The following DENND4A variants were observed in gnomAD, a reference collection of about 807,000 sequenced individuals.
DENND4A encodes C-myc promoter-binding protein.
DENND4A carries 70 observed loss-of-function variants against 199.3 expected under a neutral mutation model. That is an observed-to-expected ratio of 0.35 (90% confidence interval 0.29 to 0.43). DENND4A has a LOEUF of 0.43. DENND4A is among the 20% of genes least tolerant of loss of function. The probability of loss-of-function intolerance (pLI) is 1.00; values close to 1 mark genes in which losing one functional copy is unlikely to be tolerated. For missense variants in DENND4A, 1,723 were observed against 2,255.8 expected, an observed-to-expected ratio of 0.76 and a Z score of 4.78; for synonymous variants, 686 against 766.9, an observed-to-expected ratio of 0.89 and a Z score of 1.74.
intron 12 of DENND4A, among the ~76,000 whole-genome samples, chr15:65,722,444 G>T (rs1393149993): frequency 6.6e-6 from 1 of 151,894 alleles, no homozygotes; most frequent in Non-Finnish European, 1.5e-5. Flanking sequence ...TATAACCTGG[G>T]TGACAAAGCA....
intron 23 of DENND4A, among the ~76,000 whole-genome samples, chr15:65,686,157 C>T (rs1486684816): frequency 6.6e-6 from 1 of 152,216 alleles, no homozygotes; most frequent in East Asian, 1.9e-4. Flanking sequence ...ATTCCATGAA[C>T]ATGGCATGTC....
At chr15:65,672,980 C>A (rs1217644877) in intron 24 of DENND4A, among the ~76,000 whole-genome samples, 1 of 151,814 alleles carries the variant, frequency 6.6e-6, no homozygotes, top group Admixed American at 6.6e-5. Flanking sequence ...CCTGCCTCAG[C>A]CTCCCGAGTA....
chr15:65,739,474 T>A (rs2076196855), intron 5 of DENND4A, among the ~76,000 whole-genome samples: 1 of 152,192 alleles, frequency 6.6e-6, no homozygotes, highest in South Asian at 2.1e-4. Context: ...AATGTTTACA[T>A]TAGGAAAACG....
intron 32 of DENND4A, among the ~76,000 whole-genome samples, chr15:65,662,576 A>T (rs996334270): frequency 2.0e-5 from 3 of 152,194 alleles, no homozygotes; most frequent in Admixed American, 2.0e-4. Flanking sequence ...TCCCCAGAAG[A>T]TAGTCCACAT....
rs771078561 is a variant in DENND4A at position 65,701,615 on chromosome 15, G to A, written c.2559+147C>T. 802 of 745,988 alleles carry A rather than the reference G, an allele frequency of 1.1e-3. 3 individuals are homozygous for A. The highest frequency in any genetic ancestry group is 8.5e-3 in the Middle Eastern group (22 of 2,600). The allele number at this position is 745,988 out of a possible 1,614,324, so 46.2% of individuals were successfully genotyped here. ...TCAAAGTAGATTGTATAACATAAAAGAGAACTAAAGTCTTCCTTGATTGAC... is the reference window on the plus strand; with the variant it reads ...TCAAAGTAGATTGTATAACATAAAAAAGAACTAAAGTCTTCCTTGATTGAC... On this transcript the variant is annotated intron_variant, in intron 18 of 32. Coordinates refer to ENST00000443035, the MANE Select transcript of DENND4A (RefSeq NM_001320835.1).
chr15:65,739,022 G>T, intron 5 of DENND4A, 147 bp from the exon 6 acceptor site: 1 of 558,318 alleles, frequency 1.8e-6, no homozygotes, highest in Non-Finnish European at 2.9e-6. Context: ...GAATACTTTG[G>T]TAGGATTCAT....
chr15:65,691,457 C>T lies in DENND4A; in HGVS notation c.3137G>A (p.Arg1046Gln), dbSNP rs746641939. Residue 1046 changes from arginine (R) to glutamine (Q), a missense_variant, in exon 23 of 33, where the codon CGA becomes CAA. Arg to Gln is a conservative substitution (Grantham distance 43). Transcript: ENST00000443035. The stretch of plus-strand genomic sequence containing the variant: ...CCTGAAGCATCTACTTTGAATGTTT[C>T]GTGTTTCATTTGTATCTTCAAGAGA... Reference protein sequence around the residue: ...ISSLEDTNETRNIQSRCFRKR... With the variant: ...ISSLEDTNETQNIQSRCFRKR... The T allele has an allele frequency of 7.4e-6, 12 of 1,612,388 alleles. No individual in the cohort carries two copies. In the East Asian group the frequency reaches 8.9e-5, roughly 12 times the overall value.
Position 65,698,881 on chromosome 15 carries a change from G to C in DENND4A, c.2834-1498C>G, listed in dbSNP as rs564207117. 3.3e-5 allele frequency among the ~76,000 whole-genome samples: 5 copies of C among 151,952 alleles called. No homozygotes were observed. The East Asian group carries it at 9.7e-4, about 29-fold the overall frequency. ...GCCTCCCAAGTAGCTGGGATTACAG[G>C]AATGTGCCACCATGCCTAGCTAATT... is the stretch of plus-strand genomic sequence containing the variant. On this transcript the variant is annotated intron_variant, in intron 20 of 32. Coordinates refer to ENST00000443035, the MANE Select transcript of DENND4A (RefSeq NM_001320835.1).
chr15:65,697,408 ACT>A, intron 20 of DENND4A, 25 bp from the exon 21 acceptor site: 1 of 1,433,836 alleles, frequency 7.0e-7, no homozygotes, highest in Non-Finnish European at 9.7e-7. Context: ...AATAAACAAA[ACT>A]CTATTAGAAA....
intron 2 of DENND4A, among the ~76,000 whole-genome samples, chr15:65,761,128 T>C (rs1359920504): frequency 6.6e-6 from 1 of 152,212 alleles, no homozygotes; most frequent in Non-Finnish European, 1.5e-5. Flanking sequence ...GGGAACCGTA[T>C]ACTTCACATT....
chr15:65,745,722 C>T (rs551932501), intron 4 of DENND4A, among the ~76,000 whole-genome samples: 1 of 152,086 alleles, frequency 6.6e-6, no homozygotes, highest in South Asian at 2.1e-4. Flanking sequence ...AAAAAAAGAA[C>T]TATATGACCA....
At chr15:65,765,333 A>C (rs2076955747) in intron 1 of DENND4A, among the ~76,000 whole-genome samples, 1 of 152,244 alleles carries the variant, frequency 6.6e-6, no homozygotes, top group African/African-American at 2.4e-5. Context: ...GTCATGCTCC[A>C]CAAAGTGATA....
At chr15:65,707,689 ATT>A (rs199600831) in intron 14 of DENND4A, among the ~76,000 whole-genome samples, 7 of 144,570 alleles carry the variant, frequency 4.8e-5, no homozygotes, top group Admixed American at 1.4e-4. Context: ...ACATATTATG[ATT>A]TTTTTTTTTT....
chr15:65,757,710 C>T (rs1231657975), intron 2 of DENND4A, among the ~76,000 whole-genome samples: 5 of 152,058 alleles, frequency 3.3e-5, no homozygotes, highest in East Asian at 1.9e-4. Flanking sequence ...TGGCCGAGCG[C>T]GGTGGCTCAC....
At chr15:65,775,084 C>G (rs146310653) in intron 1 of DENND4A, among the ~76,000 whole-genome samples, 1 of 152,100 alleles carries the variant, frequency 6.6e-6, no homozygotes, top group African/African-American at 2.4e-5. Context: ...TTTCAGTCAT[C>G]CACTGCATGA....
At chr15:65,667,353 G>A in intron 29 of DENND4A, 96 bp downstream of exon 29, 1 of 1,358,890 alleles carries the variant, frequency 7.4e-7, no homozygotes, top group South Asian at 1.4e-5. Context: ...AATAAATTTA[G>A]CATAAAAACA....
In DENND4A at chr15:65,771,504, C is replaced by G. The variant is rs111617280; in HGVS notation, c.-101-10066G>C. ...TAGAAGGAATAAGGAGGATTACAGA[C>G]CATCAACTGGCTTAATAATGACACG... is the stretch of plus-strand genomic sequence containing the variant. On this transcript the variant is annotated intron_variant, in intron 1 of 32. Coordinates refer to ENST00000443035, the MANE Select transcript of DENND4A (RefSeq NM_001320835.1). 2.2e-3 allele frequency: 3,625 copies of G among 1,611,204 alleles called. 73 individuals are homozygous for G. In the African/African-American group the frequency reaches 0.042, roughly 19 times the overall value.
rs2076081814 is a variant in DENND4A at position 65,667,532 on chromosome 15, C to T, written c.5158G>A (p.Val1720Ile). The T allele has an allele frequency of 6.2e-7, 1 of 1,613,944 alleles. No individual in the cohort carries two copies. Among genetic ancestry groups the T allele is most frequent in the Non-Finnish European group, 8.5e-7 (1 of 1,179,850 alleles). ...DHHPIVFWNLVWYFRRLDLPS... is the reference protein window; with the variant it reads ...DHHPIVFWNLIWYFRRLDLPS... ...AAGTCAAGACGTCTGAAATACCATA[C>T]CAGGTTCCAAAAAACAATTGGATGA... The change falls in exon 29 of 33, where the codon GTA (valine) becomes ATA (isoleucine). Residue 1720 changes from valine to isoleucine, a missense_variant. By Grantham distance (29) the Val-to-Ile change is conservative. Around this residue, in one of 6 missense-constraint regions of DENND4A, gnomAD observed 164 missense variants for 280.1 expected, o/e 0.59. Transcript: ENST00000443035.
chr15:65,681,073 C>T (rs2076557417), intron 23 of DENND4A: 1 of 152,228 alleles, frequency 6.6e-6, no homozygotes, highest in Non-Finnish European at 1.5e-5. Context: ...GCATGTGATG[C>T]TGTCTGACAA....
Sources: allele counts gnomAD v4.1 joint callset (sites outside exome capture counted in the v4.1 genomes callset), GRCh38; gene constraint gnomAD v4.1.1; regional missense constraint gnomAD v4.1.1; transcripts MANE v1.5; gene names NCBI Gene and HGNC (gene_info 2026-07-23, HGNC 2026-07-21).